Variants in RFX3 observed in about 807,000 individuals in gnomAD.
The protein encoded by RFX3 is transcription factor RFX3.
In RFX3, 14 loss-of-function variants were observed where a neutral mutation model predicts 98.6. That is an observed-to-expected ratio of 0.14 (90% CI 0.09 to 0.22). The LOEUF (loss-of-function observed/expected upper bound fraction) is 0.22, where lower values mean the gene tolerates loss of function less well. Among genes scored for constraint, RFX3 ranks in the 10% least tolerant of loss-of-function variants. RFX3 has a pLI of 1.00. For missense variants in RFX3, 639 were observed against 926.9 expected (o/e 0.69, Z 4.03); for synonymous variants, 383 against 328.4 (o/e 1.17, Z -1.80).
At chr9:3,258,304 C>G (rs1398069044) in intron 13 of RFX3, among the ~76,000 whole-genome samples, 1 of 152,062 alleles carries the variant, frequency 6.6e-6, no homozygotes, top group Non-Finnish European at 1.5e-5. Flanking sequence ...GTATTTTTCT[C>G]AAAAGAGTGT....
chr9:3,396,559 A>C (rs1587501443), intron 1 of RFX3, among the ~76,000 whole-genome samples: 1 of 152,330 alleles, frequency 6.6e-6, no homozygotes, highest in East Asian at 1.9e-4. Flanking sequence ...TATACCCAGT[A>C]ACGGGATGGC....
intron 14 of RFX3, among the ~76,000 whole-genome samples, chr9:3,253,646 G>A (rs1392755311): frequency 6.6e-6 from 1 of 152,002 alleles, no homozygotes; most frequent in African/African-American, 2.4e-5. Context: ...TCTTTGTAGC[G>A]CTGTATCAAC....
intron 2 of RFX3, among the ~76,000 whole-genome samples, chr9:3,375,366 G>A (rs775274037): frequency 3.0e-4 from 45 of 152,156 alleles, no homozygotes; most frequent in Non-Finnish European, 6.2e-4. Context: ...CCATGATGTA[G>A]CTTATTTGTC....
intron 1 of RFX3, among the ~76,000 whole-genome samples, chr9:3,461,830 T>C (rs1243828281): frequency 6.6e-6 from 1 of 152,026 alleles, no homozygotes; most frequent in Non-Finnish European, 1.5e-5. Flanking sequence ...CAAAGGCCTA[T>C]ATAAGCATAC....
At chr9:3,372,533 T>A (rs997511740) in intron 2 of RFX3, among the ~76,000 whole-genome samples, 7 of 145,172 alleles carry the variant, frequency 4.8e-5, no homozygotes, top group African/African-American at 1.7e-4. Context: ...ATCTTTTTTT[T>A]CTTTCTTTCT....
intron 4 of RFX3, among the ~76,000 whole-genome samples, chr9:3,326,685 A>G (rs1463425239): frequency 1.3e-5 from 2 of 152,174 alleles, no homozygotes; most frequent in Admixed American, 6.5e-5. Context: ...TTACGGGTGC[A>G]TAGTATTCCA....
At chr9:3,307,835 G>A (rs1472694589) in intron 4 of RFX3, among the ~76,000 whole-genome samples, 2 of 152,170 alleles carry the variant, frequency 1.3e-5, no homozygotes, top group Non-Finnish European at 2.9e-5. Flanking sequence ...TTAGACTAAT[G>A]CAAAGCCTCA....
chr9:3,404,833 G>A (rs1261950464), intron 1 of RFX3, among the ~76,000 whole-genome samples: 1 of 152,086 alleles, frequency 6.6e-6, no homozygotes, highest in East Asian at 1.9e-4. Context: ...TACATTAAGT[G>A]TAACATCCCA....
chr9:3,411,658 GTT>G (rs750145186), intron 1 of RFX3, among the ~76,000 whole-genome samples: 4 of 143,220 alleles, frequency 2.8e-5, no homozygotes, highest in Admixed American at 1.4e-4. Context: ...GTGTGTGTGT[GTT>G]TTTTTTTTTT....
At chr9:3,301,200 T>C (rs1482391803) in intron 5 of RFX3, among the ~76,000 whole-genome samples, 1 of 148,728 alleles carries the variant, frequency 6.7e-6, no homozygotes, top group African/African-American at 2.4e-5. Flanking sequence ...GAGATGCAGA[T>C]TACAAGTATT....
chr9:3,441,114 G>A (rs974297003), intron 1 of RFX3, among the ~76,000 whole-genome samples: 1 of 152,174 alleles, frequency 6.6e-6, no homozygotes, highest in African/African-American at 2.4e-5. Flanking sequence ...CAACTCTGAA[G>A]CTGCTTTATA....
chr9:3,379,107 T>C (rs1204931500), intron 2 of RFX3, among the ~76,000 whole-genome samples: 3 of 152,168 alleles, frequency 2.0e-5, no homozygotes, highest in Admixed American at 1.3e-4. Context: ...CCAGACATAG[T>C]GCATGCAAGG....
In RFX3 at chr9:3,306,750, T is replaced by C. The variant is rs560036733; in HGVS notation, c.475-5130A>G. Among the ~76,000 whole-genome samples the C allele has an allele frequency of 2.0e-5, 3 of 150,898 alleles. No individual in the cohort carries two copies. In the South Asian group the frequency reaches 6.3e-4, roughly 32 times the overall value. Reference sequence around the variant, plus strand: ...ATGTACCCTAAAACTTAAAGTATAATAATAATTAAAAAAAAAAGAAAATTG... The same window carrying C: ...ATGTACCCTAAAACTTAAAGTATAACAATAATTAAAAAAAAAAGAAAATTG... On this transcript the variant is annotated intron_variant, in intron 4 of 16. Coordinates refer to ENST00000617270, the MANE Select transcript of RFX3 (RefSeq NM_001282116.2).
At chr9:3,475,225 C>T (rs905110490) in intron 1 of RFX3, among the ~76,000 whole-genome samples, 14 of 151,940 alleles carry the variant, frequency 9.2e-5, no homozygotes, top group Non-Finnish European at 2.1e-4. Context: ...TAGGGTCCAG[C>T]CCCACAGGGT....
chr9:3,424,655 C>T (rs531190690), intron 1 of RFX3, among the ~76,000 whole-genome samples: 5 of 152,028 alleles, frequency 3.3e-5, no homozygotes, highest in South Asian at 2.1e-4. Flanking sequence ...CCACCGCGCC[C>T]GGCCCATAAT....
intron 1 of RFX3, among the ~76,000 whole-genome samples, chr9:3,428,421 G>C (rs1286733913): frequency 1.3e-5 from 2 of 152,090 alleles, no homozygotes; most frequent in African/African-American, 2.4e-5. Context: ...AATATCACAA[G>C]TTTTGTAGAG....
chr9:3,363,193 A>G (rs1836659671), intron 2 of RFX3, among the ~76,000 whole-genome samples: 1 of 152,230 alleles, frequency 6.6e-6, no homozygotes, highest in East Asian at 1.9e-4. Flanking sequence ...TAAAGATGTC[A>G]AGCTTACTGC....
chr9:3,343,275 G>A (rs1351029281), intron 3 of RFX3, among the ~76,000 whole-genome samples: 1 of 152,128 alleles, frequency 6.6e-6, no homozygotes, highest in Non-Finnish European at 1.5e-5. Flanking sequence ...TGTACTGGGT[G>A]CTCAAAAGTT....
intron 1 of RFX3, among the ~76,000 whole-genome samples, chr9:3,467,409 G>T (rs1169102234): frequency 6.6e-6 from 1 of 150,796 alleles, no homozygotes; most frequent in African/African-American, 2.4e-5. Context: ...TCAGTCATAA[G>T]TAAAAGACTA....
Sources: gnomAD v4.1 joint callset for allele counts (sites outside exome capture counted in the v4.1 genomes callset) on GRCh38, gnomAD v4.1.1 for gene constraint, MANE v1.5 for transcripts, NCBI Gene and HGNC (gene_info 2026-07-23, HGNC 2026-07-21) for gene names.